SLC25A1: variants seen among roughly 807,000 people sequenced by gnomAD.
The protein encoded by SLC25A1 is tricarboxylate transport protein, mitochondrial.
A neutral mutation model predicts 38.1 loss-of-function variants in SLC25A1; 26 were observed. The ratio of observed to expected loss-of-function variants is 0.68; its 90% CI spans 0.50 to 0.95. The LOEUF (loss-of-function observed/expected upper bound fraction) is 0.95. Among genes scored for constraint, SLC25A1 ranks in the 40% least tolerant of loss-of-function variants. SLC25A1 has a pLI of 0.00. For synonymous variants in SLC25A1, 211 were observed against 183.2 expected, an observed-to-expected ratio of 1.15 and a Z score of -1.23; for missense variants, 378 against 426.6, an observed-to-expected ratio of 0.89 and a Z score of 1.00.
chr22:19,178,380 C>CCCT lies in SLC25A1; in HGVS notation c.95-143_95-141dup. 25 of 1,427,882 alleles carry CCCT rather than the reference C, an allele frequency of 1.8e-5. No homozygotes were observed. The highest frequency in any genetic ancestry group is 2.3e-5 in the Non-Finnish European group (25 of 1,094,908). 88.5% of individuals were successfully genotyped at this position (1,427,882 alleles called of 1,614,324 possible). A position where few individuals can be genotyped will look rare whatever the true frequency, so the allele number is the denominator to read the frequency against. Reference sequence around the variant, plus strand: ...TAGGCTGGGGCCCCACGCCCCCATGCCCTCACCCCGTTGTCCCGGCGAGGC... The same window carrying CCCT: ...TAGGCTGGGGCCCCACGCCCCCATGCCCTCCTCACCCCGTTGTCCCGGCGAGGC... On this transcript the variant is annotated intron_variant, in intron 1 of 8. Transcript: ENST00000215882. The surrounding 1 kb of genome is among the most constrained non-coding windows in gnomAD (Gnocchi z 4.9).
Position 19,176,006 on chromosome 22 carries a change from C to G in SLC25A1, c.*124G>C. The G allele has an allele frequency of 1.5e-6, 1 of 686,890 alleles. No individual in the cohort carries two copies. The allele number at this position is 686,890 out of a possible 1,614,324, so 42.5% of individuals were successfully genotyped here. Reference sequence around the variant, plus strand: ...GATTTGACAGCCACAATGCACAGACCAGGCTACAGAGCTCGAGGGACGTGG... The same window carrying G: ...GATTTGACAGCCACAATGCACAGACGAGGCTACAGAGCTCGAGGGACGTGG... On this transcript the variant is annotated 3_prime_UTR_variant, in exon 9 of 9. Coordinates refer to ENST00000215882, the MANE Select transcript of SLC25A1 (RefSeq NM_005984.5).
chr22:19,176,703 G>C lies in SLC25A1; in HGVS notation c.632-10C>G. 1 of 1,610,690 alleles carries C rather than the reference G, an allele frequency of 6.2e-7. No individual in the cohort carries two copies. Among genetic ancestry groups the C allele is most frequent in the Non-Finnish European group, 8.5e-7 (1 of 1,177,058 alleles). ...TTGTTGGGGTTGTCCCCTGGATATA[G>C]GAGGGGTGAGGTGGGTCAGAGGGTG... On this transcript the variant is annotated splice_polypyrimidine_tract_variant and intron_variant, in intron 6 of 8. Transcript: ENST00000215882.
In SLC25A1 at chr22:19,176,499, G is replaced by A. The variant is rs1457237376; in HGVS notation, c.748-5C>T. On this transcript the variant is annotated splice_polypyrimidine_tract_variant and splice_region_variant and intron_variant, in intron 7 of 8. Transcript: ENST00000215882. ...GTATTTGTGCGCCTCCAGGCCCTAT[G>A]GGGGACATCAGCAGGCAGGGGCTCA... 1.2e-6 allele frequency: 2 copies of A among 1,613,778 alleles called. No homozygotes were observed. The highest frequency in any genetic ancestry group is 1.6e-4 in the Middle Eastern group (1 of 6,062).
At chr22:19,177,651 G>T in intron 4 of SLC25A1, 76 bp downstream of exon 4, 1 of 1,580,666 alleles carries the variant, frequency 6.3e-7, no homozygotes, top group South Asian at 1.1e-5. Flanking sequence ...CGGTTGCCCC[G>T]GGAGCACCGG....
chr22:19,178,665 C>T lies in SLC25A1; in HGVS notation c.9G>A (p.Ala3=). The change falls in exon 1 of 9, where the codon GCG becomes GCA. Residue 3 remains alanine, a synonymous_variant. Coordinates refer to ENST00000215882, the MANE Select transcript of SLC25A1 (RefSeq NM_005984.5). This position sits in a 1 kb window ranked among gnomAD's most constrained non-coding sequence, Gnocchi z 4.9. ...CCGCCAGAGCGCGCGGGGCGCGGGG[C>T]GCGGGCATGGCGGGCGGGAGGCGGG... MP[A]PRAPRALAAA... is the part of the protein sequence containing the mutation. 2 of 1,152,466 alleles carry T rather than the reference C, an allele frequency of 1.7e-6. No individual in the cohort carries two copies. Among genetic ancestry groups the T allele is most frequent in the African/African-American group, 1.6e-5 (1 of 61,448 alleles). 71.4% of individuals were successfully genotyped at this position (1,152,466 alleles called of 1,614,324 possible). A position where few individuals can be genotyped will look rare whatever the true frequency, so the allele number is the denominator to read the frequency against.
chr22:19,178,710 G>T lies in SLC25A1; in HGVS notation c.-37C>A. 1.0e-6 allele frequency: 1 copy of T among 976,600 alleles called. No homozygotes were observed. Among genetic ancestry groups the T allele is most frequent in the Non-Finnish European group, 1.3e-6 (1 of 798,272 alleles). The allele number at this position is 976,600 out of a possible 1,614,324, so 60.5% of individuals were successfully genotyped here. ...GGCGGGGCGCCCTGTGGCGGCTTCGGGTCCGAGACTCCAGAACTCCGCGCT... is the reference window on the plus strand; with the variant it reads ...GGCGGGGCGCCCTGTGGCGGCTTCGTGTCCGAGACTCCAGAACTCCGCGCT... On this transcript the variant is annotated 5_prime_UTR_variant, in exon 1 of 9. Coordinates refer to ENST00000215882, the MANE Select transcript of SLC25A1 (RefSeq NM_005984.5). This position sits in a 1 kb window ranked among gnomAD's most constrained non-coding sequence, Gnocchi z 4.9.
At position 19,176,964 on chromosome 22, in the gene SLC25A1, G is replaced by A; in HGVS notation, c.527-14C>T. On this transcript the variant is annotated splice_polypyrimidine_tract_variant and intron_variant, in intron 5 of 8. Coordinates refer to ENST00000215882, the MANE Select transcript of SLC25A1 (RefSeq NM_005984.5). ...TCCCCTTCAGCCCTGCGGGAAGGCA[G>A]GCACGGGGTTACCCTGCAGCCTCTC... The A allele has an allele frequency of 6.2e-7, 1 of 1,613,112 alleles. No homozygotes were observed. Among genetic ancestry groups the A allele is most frequent in the Non-Finnish European group, 8.5e-7 (1 of 1,179,634 alleles).
At position 19,175,618 on chromosome 22, in the gene SLC25A1, G is replaced by C. The variant is rs1383920957; in HGVS notation, c.*512C>G. 1 of 196,172 alleles carries C rather than the reference G, an allele frequency of 5.1e-6. No homozygotes were observed. The highest frequency in any genetic ancestry group is 1.1e-5 in the Non-Finnish European group (1 of 95,008). The allele number at this position is 196,172 out of a possible 1,614,324, so 12.2% of individuals were successfully genotyped here. ...CGGTTTATTCTGCCTTGGCAGGGTG[G>C]TCCTGAGAGTGGTGGGTGCCACCCT... On this transcript the variant is annotated 3_prime_UTR_variant, in exon 9 of 9. Coordinates refer to ENST00000215882, the MANE Select transcript of SLC25A1 (RefSeq NM_005984.5).
At position 19,176,086 on chromosome 22, in the gene SLC25A1, A is replaced by G. The variant is rs1555922181; in HGVS notation, c.*44T>C. On this transcript the variant is annotated 3_prime_UTR_variant, in exon 9 of 9. Transcript: ENST00000215882. ...AATCGTGAGACAAAGGTAGCAGGAC[A>G]CTCTGGCGGTGCCTGGGGCGGTCCC... 4 of 1,497,210 alleles carry G rather than the reference A, an allele frequency of 2.7e-6. No homozygotes were observed. The South Asian group carries it at 4.5e-5, about 17-fold the overall frequency. 92.7% of individuals were successfully genotyped at this position (1,497,210 alleles called of 1,614,324 possible).
Position 19,175,892 on chromosome 22 carries a change from T to TTCACAGTAAG in SLC25A1, c.*237_*238insCTTACTGTGA. On this transcript the variant is annotated 3_prime_UTR_variant, in exon 9 of 9. Transcript: ENST00000215882. ...CAGAACATGAAACACAGGCACAGGG[T>TTCACAGTAAG]CATAGGCCAGATGCACATCCAGCCA... 1 of 579,690 alleles carries TTCACAGTAAG rather than the reference T, an allele frequency of 1.7e-6. No homozygotes were observed. The allele number at this position is 579,690 out of a possible 1,614,324, so 35.9% of individuals were successfully genotyped here. A position where few individuals can be genotyped will look rare whatever the true frequency, so the allele number is the denominator to read the frequency against.
At chr22:19,177,272 C>T (rs2083975737) in intron 4 of SLC25A1, 68 bp from the exon 5 acceptor site, 1 of 1,310,722 alleles carries the variant, frequency 7.6e-7, no homozygotes, top group East Asian at 2.3e-5. Context: ...AGCTGGCAGG[C>T]CCAGGGCCCA....
In SLC25A1 at chr22:19,176,667, G is replaced by C. The variant is rs2083965511; in HGVS notation, c.658C>G (p.Pro220Ala). The C allele has an allele frequency of 6.2e-7, 1 of 1,613,878 alleles. No individual in the cohort carries two copies. The highest frequency in any genetic ancestry group is 8.5e-7 in the Non-Finnish European group (1 of 1,179,996). ...GCTCCGAAGACCCCAGTGATCAGAG[G>C]GTTCATGGGCTTGTTGGGGTTGTCC... is the stretch of plus-strand genomic sequence containing the variant. ...RGDNPNKPMN[P>A]LITGVFGAIA... The change falls in exon 7 of 9, where the codon CCT (proline) becomes GCT (alanine). Residue 220 changes from proline (P) to alanine (A), a missense_variant. Transcript: ENST00000215882.
chr22:19,177,317 G>A (rs760929927), intron 4 of SLC25A1, 113 bp from the exon 5 acceptor site: 191 of 894,810 alleles, frequency 2.1e-4, no homozygotes, highest in Non-Finnish European at 2.9e-4. Context: ...TCTTCCCCAG[G>A]AAGCAGTGCA....
At chr22:19,177,283 TC>T in intron 4 of SLC25A1, 79 bp from the exon 5 acceptor site, 1 of 1,210,756 alleles carries the variant, frequency 8.3e-7, no homozygotes, top group Non-Finnish European at 1.2e-6. Flanking sequence ...CCAGGGCCCA[TC>T]CAGGGTGGAG....
At position 19,178,388 on chromosome 22, in the gene SLC25A1, C is replaced by T. The variant is rs782261119; in HGVS notation, c.95-148G>A. On this transcript the variant is annotated intron_variant, in intron 1 of 8. Coordinates refer to ENST00000215882, the MANE Select transcript of SLC25A1 (RefSeq NM_005984.5). This position sits in a 1 kb window ranked among gnomAD's most constrained non-coding sequence, Gnocchi z 4.9. ...GGCCCCACGCCCCCATGCCCTCACC[C>T]CGTTGTCCCGGCGAGGCGCAGGGGG... The T allele has an allele frequency of 4.3e-6, 6 of 1,409,204 alleles. No homozygotes were observed. In the East Asian group the frequency reaches 1.7e-4, roughly 40 times the overall value. 87.3% of individuals were successfully genotyped at this position (1,409,204 alleles called of 1,614,324 possible). A position where few individuals can be genotyped will look rare whatever the true frequency, so the allele number is the denominator to read the frequency against.
At position 19,176,848 on chromosome 22, in the gene SLC25A1, C is replaced by G. The variant is rs148734543; in HGVS notation, c.629G>C (p.Arg210Pro). The G allele has an allele frequency of 6.2e-7, 1 of 1,613,696 alleles. No individual in the cohort carries two copies. Among genetic ancestry groups the G allele is most frequent in the Non-Finnish European group, 8.5e-7 (1 of 1,179,896 alleles). Residue 210 changes from arginine to proline, a missense_variant and splice_region_variant, in exon 6 of 9, where the codon CGA (arginine) becomes CCA (proline). Transcript: ENST00000215882. The stretch of plus-strand genomic sequence containing the variant: ...GGGGCCCTGTGATGCAGACACACCT[C>G]GGTACCAGTTGCGCAGGGAGGTCAT... ...FVMTSLRNWY[R>P]GDNPNKPMNP...
Position 19,176,433 on chromosome 22 carries a change from T to G in SLC25A1, c.809A>C (p.Glu270Ala), listed in dbSNP as rs782708338. Residue 270 changes from glutamate (E) to alanine (A), a missense_variant, in exon 8 of 9, where the codon GAG becomes GCG. Coordinates refer to ENST00000215882, the MANE Select transcript of SLC25A1 (RefSeq NM_005984.5). ...WDCGLQILKK[E>A]GLKAFYKGTV... ...CTCCCCCACTCACGCCTTGAGCCCC[T>G]CCTTCTTCAGGATCTGCAAGCCGCA... is the stretch of plus-strand genomic sequence containing the variant. 5 of 1,613,554 alleles carry G rather than the reference T, an allele frequency of 3.1e-6. No homozygotes were observed. In the South Asian group the frequency reaches 5.5e-5, roughly 18 times the overall value.
chr22:19,176,585 C>A lies in SLC25A1; in HGVS notation c.740G>T (p.Arg247Leu), dbSNP rs781908532. 1 of 1,613,672 alleles carries A rather than the reference C, an allele frequency of 6.2e-7. No individual in the cohort carries two copies. The highest frequency in any genetic ancestry group is 1.1e-5 in the South Asian group (1 of 91,088). ...CCTTCCCGGCCCCACCACCTGCATC[C>A]GGGTCTTAATCACATCCAGAGGAGT... Reference protein sequence around the residue: ...GNTPLDVIKTRMQGLEAHKYR... With the variant: ...GNTPLDVIKTLMQGLEAHKYR... The change falls in exon 7 of 9, where the codon CGG becomes CTG. Residue 247 changes from arginine (R) to leucine (L), a missense_variant. Transcript: ENST00000215882.
intron 6 of SLC25A1, 53 bp downstream of exon 6, chr22:19,176,791 GGA>G: frequency 6.2e-7 from 1 of 1,601,286 alleles, no homozygotes; most frequent in Non-Finnish European, 8.6e-7. Context: ...GTGGCCCCAA[GGA>G]GAGGAGAGGA....
Sources: allele counts gnomAD v4.1 joint callset, GRCh38; gene constraint gnomAD v4.1.1; non-coding constraint Gnocchi (gnomAD v3.1); transcripts MANE v1.5; gene names NCBI Gene and HGNC (gene_info 2026-07-23, HGNC 2026-07-21).